The following GLS variants were observed in gnomAD, a reference collection of about 807,000 sequenced individuals.
GLS encodes the protein glutaminase kidney isoform, mitochondrial.
GLS carries 36 observed loss-of-function variants against 86.7 expected under a neutral mutation model. The ratio of observed to expected loss-of-function variants is 0.42; its 90% CI spans 0.32 to 0.55. GLS has a LOEUF of 0.55. Among genes scored for constraint, GLS ranks in the 20% least tolerant of loss-of-function variants. GLS has a pLI of 0.17. For synonymous variants in GLS, 317 were observed against 305.9 expected, an observed-to-expected ratio of 1.04 and a Z score of -0.38; for missense variants, 528 against 833.4, an observed-to-expected ratio of 0.63 and a Z score of 4.51.
chr2:190,931,234 A>G (rs1690097266), intron 13 of GLS, among the ~76,000 whole-genome samples: 1 of 152,160 alleles, frequency 6.6e-6, no homozygotes, highest in Non-Finnish European at 1.5e-5. Context: ...ACTTATTTAT[A>G]TTTTAATGTG....
intron 7 of GLS, among the ~76,000 whole-genome samples, chr2:190,917,332 G>A (rs1689570834): frequency 6.6e-6 from 1 of 152,178 alleles, no homozygotes; most frequent in Non-Finnish European, 1.5e-5. Context: ...GTTTTATCAT[G>A]AGATTGCAGC....
In GLS at chr2:190,937,190, C is replaced by T. The variant is rs1402801511; in HGVS notation, c.1650+5553C>T. 2.0e-5 allele frequency among the ~76,000 whole-genome samples: 3 copies of T among 151,238 alleles called. No individual in the cohort carries two copies. The East Asian group carries it at 5.8e-4, about 29-fold the overall frequency. ...ACATACACTCAAGTATATCCAAGTT[C>T]AACTATTTTTCTTTTATTTCAAATT... is the stretch of plus-strand genomic sequence containing the variant. On this transcript the variant is annotated intron_variant, in intron 14 of 17. Coordinates refer to ENST00000320717, the MANE Select transcript of GLS (RefSeq NM_014905.5).
chr2:190,901,908 A>T (rs1184632706), intron 4 of GLS, 39 bp from the exon 5 acceptor site: 1 of 1,189,640 alleles, frequency 8.4e-7, no homozygotes, highest in African/African-American at 1.5e-5. Context: ...TTATTTGTCA[A>T]TATTATATCT....
Position 190,924,425 on chromosome 2 carries a change from A to G in GLS, c.1198-118A>G. The stretch of plus-strand genomic sequence containing the variant: ...ATGTTTATACTCTTTTAGAAGTTAC[A>G]TGCTATTTTATTAATTAAAATGAAA... On this transcript the variant is annotated intron_variant, in intron 10 of 17. Coordinates refer to ENST00000320717, the MANE Select transcript of GLS (RefSeq NM_014905.5). The surrounding 1 kb of genome is among the most constrained non-coding windows in gnomAD (Gnocchi z 5.2). The G allele has an allele frequency of 1.4e-6, 1 of 691,534 alleles. No individual in the cohort carries two copies. Among genetic ancestry groups the G allele is most frequent in the Non-Finnish European group, 2.6e-6 (1 of 382,958 alleles). The allele number at this position is 691,534 out of a possible 1,614,324, so 42.8% of individuals were successfully genotyped here. A position where few individuals can be genotyped will look rare whatever the true frequency, so the allele number is the denominator to read the frequency against.
intron 1 of GLS, among the ~76,000 whole-genome samples, chr2:190,892,352 T>C: frequency 6.6e-6 from 1 of 152,178 alleles, no homozygotes; most frequent in Non-Finnish European, 1.5e-5. Context: ...TGTTATATCC[T>C]ATTTGAATTG....
intron 17 of GLS, among the ~76,000 whole-genome samples, chr2:190,958,466 G>C (rs1690915844): frequency 6.6e-6 from 1 of 152,040 alleles, no homozygotes; most frequent in Non-Finnish European, 1.5e-5. Flanking sequence ...GCTGGCTTTT[G>C]AATTTGTTTG....
intron 14 of GLS, among the ~76,000 whole-genome samples, chr2:190,952,974 AC>A (rs1374952455): frequency 6.6e-6 from 1 of 152,182 alleles, no homozygotes. Flanking sequence ...GAGTTGAGAA[AC>A]TTTTAAACAC....
chr2:190,925,978 T>A (rs532014819), intron 11 of GLS, among the ~76,000 whole-genome samples: 1 of 152,342 alleles, frequency 6.6e-6, no homozygotes, highest in African/African-American at 2.4e-5. Flanking sequence ...TCCGTAAGTT[T>A]CTTTTCCTTT....
rs1275433708 is a variant in GLS, at chr2:190,951,970, C to T, written c.1651-1595C>T. ...CTGTAATCCCAACAGTTTGGGAGGC[C>T]AAGGCAGAAGGATTGCTTAAGGCCC... On this transcript the variant is annotated intron_variant, in intron 14 of 17. Coordinates refer to ENST00000320717, the MANE Select transcript of GLS (RefSeq NM_014905.5). The surrounding 1 kb of genome is among the most constrained non-coding windows in gnomAD (Gnocchi z 4.2). Among the ~76,000 whole-genome samples, 4 of 152,272 alleles carry T rather than the reference C, an allele frequency of 2.6e-5. No individual in the cohort carries two copies. The highest frequency in any genetic ancestry group is 9.6e-5 in the African/African-American group (4 of 41,548).
rs532910320 is a variant in GLS, at chr2:190,935,297, GT to G, written c.1650+3668del. 2.7e-5 allele frequency: 13 copies of G among 475,076 alleles called. No individual in the cohort carries two copies. Among genetic ancestry groups the G allele is most frequent in the South Asian group, 9.3e-5 (1 of 10,776 alleles). 29.4% of individuals were successfully genotyped at this position (475,076 alleles called of 1,614,324 possible). On this transcript the variant is annotated intron_variant, in intron 14 of 17. Transcript: ENST00000320717. This position sits in a 1 kb window ranked among gnomAD's most constrained non-coding sequence, Gnocchi z 4.2. The stretch of plus-strand genomic sequence containing the variant: ...AAATTTATTTTAAGCTGATTTTATT[GT>G]TTTTTTTGTTTTGTTTTGTTTTGTT...
chr2:190,913,459 TGTG>T lies in GLS; in HGVS notation c.1038+3141_1038+3143del, dbSNP rs1199671561. On this transcript the variant is annotated intron_variant, in intron 7 of 17. Coordinates refer to ENST00000320717, the MANE Select transcript of GLS (RefSeq NM_014905.5). The surrounding 1 kb of genome is among the most constrained non-coding windows in gnomAD (Gnocchi z 6.1). Reference sequence around the variant, plus strand: ...GTATTATACTTCCTCTCTTTTTCTCTGTGGTAGCTACTAACTTTAAAGGAATAC... The same window carrying T: ...GTATTATACTTCCTCTCTTTTTCTCTGTAGCTACTAACTTTAAAGGAATAC... The T allele has an allele frequency of 2.5e-5, 23 of 927,474 alleles. No individual in the cohort carries two copies. The highest frequency in any genetic ancestry group is 2.5e-5 in the Non-Finnish European group (19 of 757,168). The allele number at this position is 927,474 out of a possible 1,614,324, so 57.5% of individuals were successfully genotyped here. A position where few individuals can be genotyped will look rare whatever the true frequency, so the allele number is the denominator to read the frequency against.
rs374735538 is a variant in GLS, at chr2:190,937,692, AAT to A, written c.1650+6057_1650+6058del. On this transcript the variant is annotated intron_variant, in intron 14 of 17. Transcript: ENST00000320717. ...TTAGTAATTTTTGTAAGTTGTAGCT[AAT>A]AGAGATTTTTTAAATATGCCATGTA... Among the ~76,000 whole-genome samples the A allele has an allele frequency of 4.4e-3, 670 of 151,384 alleles. 2 individuals carry two copies. The highest frequency in any genetic ancestry group is 0.014 in the Middle Eastern group (4 of 294).
Position 190,963,715 on chromosome 2 carries a change from G to A in GLS, c.*729G>A, listed in dbSNP as rs1277855492. 3 of 152,600 alleles carry A rather than the reference G, an allele frequency of 2.0e-5. No homozygotes were observed. Among genetic ancestry groups the A allele is most frequent in the Non-Finnish European group, 4.4e-5 (3 of 68,038 alleles). 9.5% of individuals were successfully genotyped at this position (152,600 alleles called of 1,614,324 possible). A position where few individuals can be genotyped will look rare whatever the true frequency, so the allele number is the denominator to read the frequency against. Reference sequence around the variant, plus strand: ...CTGCCTCTTTCCTTTAGCTGGGAAAGTGAGAGCTGGCATACTATGCAGTTT... The same window carrying A: ...CTGCCTCTTTCCTTTAGCTGGGAAAATGAGAGCTGGCATACTATGCAGTTT... On this transcript the variant is annotated 3_prime_UTR_variant, in exon 18 of 18. Coordinates refer to ENST00000320717, the MANE Select transcript of GLS (RefSeq NM_014905.5).
chr2:190,945,964 A>G (rs1323935321), intron 14 of GLS, among the ~76,000 whole-genome samples: 1 of 152,172 alleles, frequency 6.6e-6, no homozygotes, highest in Non-Finnish European at 1.5e-5. Context: ...TCCGAATCAT[A>G]TCAGTTTGGA....
chr2:190,922,512 C>G (rs1221167344), intron 9 of GLS, among the ~76,000 whole-genome samples: 1 of 152,014 alleles, frequency 6.6e-6, no homozygotes, highest in Admixed American at 6.6e-5. Context: ...TTACATGTCT[C>G]TCTTTGCCCC....
chr2:190,931,596 G>A lies in GLS; in HGVS notation c.1609G>A (p.Ala537Thr). Residue 537 changes from alanine to threonine, a missense_variant, in exon 14 of 18, where the codon GCA becomes ACA. This residue lies in a region of GLS where 163 missense variants were observed against 429.2 expected (regional missense o/e 0.38). Transcript: ENST00000320717. ...TAACTATGATAATTTGAGACACTTT[G>A]CAAAAAAACTTGATCCTCGAAGAGA... ...FHNYDNLRHFAKKLDPRREGG... is the reference protein window; with the variant it reads ...FHNYDNLRHFTKKLDPRREGG... 1 of 1,586,630 alleles carries A rather than the reference G, an allele frequency of 6.3e-7. No homozygotes were observed. The highest frequency in any genetic ancestry group is 8.6e-7 in the Non-Finnish European group (1 of 1,157,946).
chr2:190,915,217 G>T (rs995042769), intron 7 of GLS, among the ~76,000 whole-genome samples: 21 of 150,694 alleles, frequency 1.4e-4, no homozygotes, highest in African/African-American at 4.6e-4. Flanking sequence ...AGCCAGGATG[G>T]TCTCCATCTC....
intron 7 of GLS, among the ~76,000 whole-genome samples, chr2:190,911,137 T>C (rs1199600858): frequency 6.6e-6 from 1 of 151,808 alleles, no homozygotes; most frequent in Non-Finnish European, 1.5e-5. Context: ...TATACTTCTT[T>C]GGTAAATCTG....
intron 17 of GLS, among the ~76,000 whole-genome samples, chr2:190,961,650 A>C (rs911518478): frequency 3.0e-4 from 46 of 151,714 alleles, no homozygotes; most frequent in African/African-American, 1.1e-3. Context: ...CTGACTTCCT[A>C]AACTAATGAA....
Sources: allele counts gnomAD v4.1 joint callset (sites outside exome capture counted in the v4.1 genomes callset), GRCh38; gene constraint gnomAD v4.1.1; regional missense constraint gnomAD v4.1.1; non-coding constraint Gnocchi (gnomAD v3.1); transcripts MANE v1.5; gene names NCBI Gene and HGNC (gene_info 2026-07-23, HGNC 2026-07-21).